Variants in ANAPC10 observed in about 807,000 individuals in gnomAD.
The protein encoded by ANAPC10 is anaphase promoting complex subunit 10, also known as anaphase-promoting complex subunit 10.
Under a neutral mutation model 22.0 loss-of-function variants are expected in ANAPC10, and 12 were observed. The ratio of observed to expected loss-of-function variants is 0.55; its 90% CI spans 0.35 to 0.88. The LOEUF (loss-of-function observed/expected upper bound fraction) is 0.88. Among genes scored for constraint, ANAPC10 ranks in the 40% least tolerant of loss-of-function variants. The pLI, the probability that ANAPC10 is intolerant of heterozygous loss-of-function variation, is 0.01. For synonymous variants in ANAPC10, 65 were observed against 69.5 expected (o/e 0.94, Z 0.32); for missense variants, 188 against 220.9 (o/e 0.85, Z 0.94).
intron 1 of ANAPC10, 196 bp downstream of exon 1, chr4:145,097,924 G>GC: frequency 4.8e-6 from 1 of 207,512 alleles, no homozygotes; most frequent in Non-Finnish European, 9.9e-6. Context: ...AGAAGAGCGC[G>GC]CAACAGTAAG....
intron 4 of ANAPC10, among the ~76,000 whole-genome samples, chr4:145,050,637 T>C (rs1486961774): frequency 2.6e-5 from 4 of 152,246 alleles, no homozygotes; most frequent in African/African-American, 9.6e-5. Context: ...AGCCAGATCT[T>C]CTGGGTAACT....
chr4:145,060,666 T>A (rs141623625), intron 4 of ANAPC10, among the ~76,000 whole-genome samples: 121 of 152,106 alleles, frequency 8.0e-4, no homozygotes, highest in African/African-American at 2.7e-3. Flanking sequence ...ATAAAAAAGA[T>A]TTAGGTGGAT....
chr4:145,083,202 C>T (rs941049683), intron 2 of ANAPC10, among the ~76,000 whole-genome samples: 7 of 152,002 alleles, frequency 4.6e-5, no homozygotes, highest in South Asian at 2.1e-4. Flanking sequence ...ATGTGCCAGG[C>T]GCATTCTAAA....
At chr4:145,090,806 T>C (rs1411983478) in intron 2 of ANAPC10, among the ~76,000 whole-genome samples, 1 of 152,224 alleles carries the variant, frequency 6.6e-6, no homozygotes, top group East Asian at 1.9e-4. Context: ...TATTACATTA[T>C]GTAGTAATAG....
chr4:145,086,713 C>T (rs1285072462), intron 2 of ANAPC10, among the ~76,000 whole-genome samples: 3 of 151,904 alleles, frequency 2.0e-5, no homozygotes, highest in East Asian at 1.9e-4. Context: ...TAGCTGTATC[C>T]CTGGGCTCTA....
At position 145,058,579 on chromosome 4, in the gene ANAPC10, T is replaced by C. The variant is rs935629119; in HGVS notation, c.327+5993A>G. 2.0e-5 allele frequency among the ~76,000 whole-genome samples: 3 copies of C among 152,160 alleles called. 1 individual carries two copies. The highest frequency in any genetic ancestry group is 7.2e-5 in the African/African-American group (3 of 41,454). The stretch of plus-strand genomic sequence containing the variant: ...ACAGTACCTGGCACTTAGCAGGCCC[T>C]ACAGCATTATTCACAGAATAAAGCA... On this transcript the variant is annotated intron_variant, in intron 4 of 4. Coordinates refer to ENST00000507656, the MANE Select transcript of ANAPC10 (RefSeq NM_001256706.2).
chr4:145,071,004 G>T (rs527999467), intron 3 of ANAPC10, among the ~76,000 whole-genome samples: 1 of 152,284 alleles, frequency 6.6e-6, no homozygotes, highest in African/African-American at 2.4e-5. Flanking sequence ...AGGAAATTGG[G>T]TGGTTATTAT....
intron 3 of ANAPC10, among the ~76,000 whole-genome samples, chr4:145,076,701 C>A (rs550601656): frequency 6.6e-6 from 1 of 152,248 alleles, no homozygotes; most frequent in Admixed American, 6.5e-5. Flanking sequence ...TCCAAGGAAT[C>A]TAAGGAATCC....
chr4:145,002,588 CTAGA>C (rs1356587878), intron 4 of ANAPC10, among the ~76,000 whole-genome samples: 3 of 152,058 alleles, frequency 2.0e-5, no homozygotes, highest in African/African-American at 7.2e-5. Context: ...AAAAGAACAA[CTAGA>C]TAGAGTGTTC....
intron 1 of ANAPC10, among the ~76,000 whole-genome samples, chr4:145,096,812 G>A (rs1258387759): frequency 1.3e-5 from 2 of 151,922 alleles, no homozygotes; most frequent in Admixed American, 6.6e-5. Context: ...AGCCTCCCAA[G>A]TAGCTGGGAT....
intron 4 of ANAPC10, among the ~76,000 whole-genome samples, chr4:145,002,600 T>C (rs1732743140): frequency 6.6e-6 from 1 of 152,150 alleles, no homozygotes; most frequent in Non-Finnish European, 1.5e-5. Flanking sequence ...AGATAGAGTG[T>C]TCTACTCATC....
intron 4 of ANAPC10, among the ~76,000 whole-genome samples, chr4:145,027,129 G>A (rs1275612607): frequency 9.1e-5 from 13 of 143,200 alleles, no homozygotes; most frequent in Admixed American, 3.6e-4. Context: ...TCAGCCTCCC[G>A]AGTAGCTGAG....
At chr4:145,061,673 A>T (rs1742912366) in intron 4 of ANAPC10, among the ~76,000 whole-genome samples, 1 of 152,232 alleles carries the variant, frequency 6.6e-6, no homozygotes, top group Non-Finnish European at 1.5e-5. Flanking sequence ...TACTTATAAA[A>T]GGCTTACCAA....
intron 2 of ANAPC10, among the ~76,000 whole-genome samples, chr4:145,088,021 T>A (rs941195655): frequency 2.0e-5 from 3 of 152,036 alleles, no homozygotes; most frequent in African/African-American, 7.2e-5. Context: ...GCACTCCAGC[T>A]TGGGCAACAG....
intron 4 of ANAPC10, among the ~76,000 whole-genome samples, chr4:145,033,929 T>C (rs1418504210): frequency 6.6e-6 from 1 of 152,252 alleles, no homozygotes; most frequent in East Asian, 1.9e-4. Flanking sequence ...CTTTATCAAG[T>C]GACGTAAGAT....
At chr4:145,050,892 A>G (rs1741005620) in intron 4 of ANAPC10, among the ~76,000 whole-genome samples, 1 of 152,256 alleles carries the variant, frequency 6.6e-6, no homozygotes, top group Non-Finnish European at 1.5e-5. Context: ...AACTTTCTCC[A>G]TATCAGTAAT....
At chr4:145,025,669 A>C (rs1352504964) in intron 4 of ANAPC10, among the ~76,000 whole-genome samples, 2 of 152,202 alleles carry the variant, frequency 1.3e-5, no homozygotes, top group African/African-American at 4.8e-5. Context: ...TTGGTGAAAA[A>C]GTTTGAAGTT....
At chr4:145,050,155 G>A (rs981522643) in intron 4 of ANAPC10, among the ~76,000 whole-genome samples, 1 of 152,220 alleles carries the variant, frequency 6.6e-6, no homozygotes, top group Non-Finnish European at 1.5e-5. Flanking sequence ...AGACTTGGAA[G>A]TCAAAATTAT....
intron 4 of ANAPC10, among the ~76,000 whole-genome samples, chr4:145,005,061 T>C (rs752362780): frequency 6.6e-6 from 1 of 152,188 alleles, no homozygotes. Context: ...CCTTGTTCAA[T>C]CTTCAGAGAT....
Sources: gnomAD v4.1 joint callset for allele counts (sites outside exome capture counted in the v4.1 genomes callset) on GRCh38, gnomAD v4.1.1 for gene constraint, MANE v1.5 for transcripts, NCBI Gene and HGNC (gene_info 2026-07-23, HGNC 2026-07-21) for gene names.